TMEM170B: variants seen among roughly 807,000 people sequenced by gnomAD.
TMEM170B encodes transmembrane protein 170B.
A neutral mutation model predicts 13.0 loss-of-function variants in TMEM170B; 6 were observed. The ratio of observed to expected loss-of-function variants is 0.46; its 90% CI spans 0.25 to 0.91. The LOEUF is 0.91. Ranked by LOEUF, TMEM170B falls within the 40% of genes least tolerant of loss-of-function variation. The pLI is 0.17. For synonymous variants in TMEM170B, 61 were observed against 64.9 expected, an observed-to-expected ratio of 0.94 and a Z score of 0.29; for missense variants, 138 against 165.2, an observed-to-expected ratio of 0.84 and a Z score of 0.90.
In TMEM170B at chr6:11,537,918, G is replaced by A. The variant is rs1044885944; in HGVS notation, c.-360G>A. Among the ~76,000 whole-genome samples, 3 of 151,646 alleles carry A rather than the reference G, an allele frequency of 2.0e-5. No homozygotes were observed. Among genetic ancestry groups the A allele is most frequent in the African/African-American group, 7.3e-5 (3 of 41,352 alleles). ...CTCCTGGCGTGACCTCGGCCTCCTC[G>A]CGTGTCCAGTCCCCGCGGCGCGGCG... On this transcript the variant is annotated 5_prime_UTR_variant, in exon 1 of 3. Transcript: ENST00000379426.
intron 2 of TMEM170B, among the ~76,000 whole-genome samples, chr6:11,567,535 G>C (rs1759751060): frequency 6.6e-6 from 1 of 152,132 alleles, no homozygotes; most frequent in African/African-American, 2.4e-5. Flanking sequence ...CATGTTCCTG[G>C]GTATGTCCTA....
intron 1 of TMEM170B, among the ~76,000 whole-genome samples, chr6:11,546,046 A>T (rs1378266701): frequency 1.3e-5 from 2 of 148,222 alleles, no homozygotes; most frequent in Non-Finnish European, 3.0e-5. Flanking sequence ...GGCAAGCTGT[A>T]AAACAGCCTC....
At chr6:11,558,416 T>A (rs1759617571) in intron 1 of TMEM170B, among the ~76,000 whole-genome samples, 1 of 152,226 alleles carries the variant, frequency 6.6e-6, no homozygotes, top group African/African-American at 2.4e-5. Context: ...AACATTGTGT[T>A]TTAGAGCAGT....
chr6:11,542,076 G>GT (rs1759369020), intron 1 of TMEM170B, among the ~76,000 whole-genome samples: 1 of 152,146 alleles, frequency 6.6e-6, no homozygotes, highest in Non-Finnish European at 1.5e-5. Context: ...GTGACACAAA[G>GT]TGAGCCCATG....
Position 11,565,751 on chromosome 6 carries a change from G to A in TMEM170B, c.183G>A (p.Leu61=). 1 of 1,614,152 alleles carries A rather than the reference G, an allele frequency of 6.2e-7. No homozygotes were observed. The highest frequency in any genetic ancestry group is 1.3e-5 in the African/African-American group (1 of 75,048). ...CAGGAGTGTTGATGTTTGTGATGCTGCAGAGGCATAGGCAGGGAAGAGTCA... is the reference window on the plus strand; with the variant it reads ...CAGGAGTGTTGATGTTTGTGATGCTACAGAGGCATAGGCAGGGAAGAGTCA... ...GAAGVLMFVM[L]QRHRQGRVIS... The change falls in exon 2 of 3, where the codon CTG becomes CTA. Residue 61 remains leucine (L), a synonymous_variant. Transcript: ENST00000379426.
intron 1 of TMEM170B, among the ~76,000 whole-genome samples, chr6:11,560,331 T>A (rs921264283): frequency 1.0e-3 from 1 of 962 alleles, no homozygotes; most frequent in African/African-American, 1.5e-3. Context: ...CGCCCAGCTA[T>A]TTTTTTTTTT....
intron 1 of TMEM170B, among the ~76,000 whole-genome samples, chr6:11,540,874 G>A (rs1238017124): frequency 1.3e-5 from 2 of 152,176 alleles, no homozygotes; most frequent in African/African-American, 4.8e-5. Flanking sequence ...TGTGTTAGCA[G>A]TCATGAAAAC....
intron 1 of TMEM170B, among the ~76,000 whole-genome samples, chr6:11,551,131 C>T (rs554148289): frequency 6.6e-6 from 1 of 152,262 alleles, no homozygotes; most frequent in African/African-American, 2.4e-5. Context: ...GTTCAGCTCC[C>T]AGGGGCATTC....
Position 11,576,890 on chromosome 6 carries a change from A to G in TMEM170B, c.*1329A>G, listed in dbSNP as rs1582148612. ...TAGCAAAAGTGGAAATGTCCTTTAT[A>G]TAAAACATTTTAAGAGGTTCTGGCA... On this transcript the variant is annotated 3_prime_UTR_variant, in exon 3 of 3. Transcript: ENST00000379426. The G allele has an allele frequency of 6.6e-6, 1 of 152,136 alleles. No homozygotes were observed. The highest frequency in any genetic ancestry group is 6.5e-5 in the Admixed American group (1 of 15,270). The allele number at this position is 152,136 out of a possible 1,614,324, so 9.4% of individuals were successfully genotyped here.
intron 1 of TMEM170B, among the ~76,000 whole-genome samples, chr6:11,548,867 G>A (rs1278646932): frequency 6.6e-6 from 1 of 150,912 alleles, no homozygotes; most frequent in Non-Finnish European, 1.5e-5. Flanking sequence ...GGTGGGAATT[G>A]GAACAATGAA....
rs941573198 is a variant in TMEM170B, at chr6:11,583,237, T to G, written c.*7676T>G. 1.3e-5 allele frequency: 2 copies of G among 152,184 alleles called. No homozygotes were observed. The highest frequency in any genetic ancestry group is 2.9e-5 in the Non-Finnish European group (2 of 68,028). The allele number at this position is 152,184 out of a possible 1,614,324, so 9.4% of individuals were successfully genotyped here. On this transcript the variant is annotated 3_prime_UTR_variant, in exon 3 of 3. Coordinates refer to ENST00000379426, the MANE Select transcript of TMEM170B (RefSeq NM_001100829.3). ...AGAAAGTAGGTCTACAAAGATAAGA[T>G]CTAGGTTCCAATTCATTGCTTTAAG...
chr6:11,551,499 G>A (rs942281733), intron 1 of TMEM170B, among the ~76,000 whole-genome samples: 24 of 152,310 alleles, frequency 1.6e-4, no homozygotes, highest in African/African-American at 5.8e-4. Flanking sequence ...GGAATGAAGT[G>A]TCTGTAAAAA....
At chr6:11,563,389 T>TC (rs897936872) in intron 1 of TMEM170B, among the ~76,000 whole-genome samples, 13 of 152,250 alleles carry the variant, frequency 8.5e-5, no homozygotes, top group Non-Finnish European at 1.3e-4. Context: ...GTGGTTTTTT[T>TC]CCCACACCAA....
At chr6:11,567,345 G>T (rs532327060) in intron 2 of TMEM170B, among the ~76,000 whole-genome samples, 2 of 152,306 alleles carry the variant, frequency 1.3e-5, no homozygotes, top group African/African-American at 4.8e-5. Flanking sequence ...ATATGTCAGG[G>T]GCAGCTCACT....
chr6:11,570,534 G>A (rs1228894393), intron 2 of TMEM170B, among the ~76,000 whole-genome samples: 1 of 152,064 alleles, frequency 6.6e-6, no homozygotes, highest in African/African-American at 2.4e-5. Context: ...AATATAAAAT[G>A]TCAAAATTTG....
In TMEM170B at chr6:11,571,678, A is replaced by G. The variant is rs142295092; in HGVS notation, c.269-3753A>G. ...AATCACCAAGAAAATAAAGATCTTAATGTACTCTTTCAACTAGCTGTTGTT... is the reference window on the plus strand; with the variant it reads ...AATCACCAAGAAAATAAAGATCTTAGTGTACTCTTTCAACTAGCTGTTGTT... On this transcript the variant is annotated intron_variant, in intron 2 of 2. Transcript: ENST00000379426. Among the ~76,000 whole-genome samples, 26 of 152,294 alleles carry G rather than the reference A, an allele frequency of 1.7e-4. 1 individual carries two copies. Among genetic ancestry groups the G allele is most frequent in the Admixed American group, 1.0e-3 (16 of 15,296 alleles).
chr6:11,574,607 T>C (rs1362262518), intron 2 of TMEM170B, among the ~76,000 whole-genome samples: 1 of 152,170 alleles, frequency 6.6e-6, no homozygotes, highest in Non-Finnish European at 1.5e-5. Context: ...ATCTGTGGGA[T>C]GGCATATTAT....
chr6:11,565,900 GTTC>G, intron 2 of TMEM170B, 64 bp downstream of exon 2: 2 of 1,488,128 alleles, frequency 1.3e-6, no homozygotes, highest in South Asian at 1.1e-5. Flanking sequence ...TGGTAGCTGT[GTTC>G]TTATTATACA....
At chr6:11,545,985 T>G (rs533872789) in intron 1 of TMEM170B, among the ~76,000 whole-genome samples, 2 of 146,704 alleles carry the variant, frequency 1.4e-5, no homozygotes, top group East Asian at 3.9e-4. Context: ...GCACTCCAGC[T>G]TGGGCAACAG....
Sources: gnomAD v4.1 joint callset for allele counts (sites outside exome capture counted in the v4.1 genomes callset) on GRCh38, gnomAD v4.1.1 for gene constraint, MANE v1.5 for transcripts, NCBI Gene and HGNC (gene_info 2026-07-23, HGNC 2026-07-21) for gene names.